ADPRHL1: variants seen among roughly 807,000 people sequenced by gnomAD.
ADPRHL1 encodes the protein ADP-ribosylhydrolase like 1.
A neutral mutation model predicts 44.1 loss-of-function variants in ADPRHL1; 43 were observed. That is an observed-to-expected ratio of 0.98 (90% CI 0.76 to 1.26). The LOEUF is 1.26. Ranked by LOEUF, ADPRHL1 falls within the 50% of genes most tolerant of loss-of-function variation. ADPRHL1 has a pLI of 0.00. For synonymous variants in ADPRHL1, 878 were observed against 1,017.4 expected, an observed-to-expected ratio of 0.86 and a Z score of 2.61; for missense variants, 2,022 against 2,496.9, an observed-to-expected ratio of 0.81 and a Z score of 4.05.
chr13:113,409,272 A>G lies in ADPRHL1; in HGVS notation c.1062-1052T>C. 1.0e-6 allele frequency: 1 copy of G among 983,944 alleles called. No individual in the cohort carries two copies. Among genetic ancestry groups the G allele is most frequent in the Non-Finnish European group, 1.2e-6 (1 of 828,624 alleles). 61.0% of individuals were successfully genotyped at this position (983,944 alleles called of 1,614,324 possible). ...AGGAGCAAAGCTGGAAGGTCTCCCC[A>G]TCTGTGGCAGGGGGTGGAGCCGTCT... On this transcript the variant is annotated intron_variant, in intron 7 of 7. Transcript: ENST00000612156. The surrounding 1 kb of genome is among the most constrained non-coding windows in gnomAD (Gnocchi z 4.2).
In ADPRHL1 at chr13:113,404,773, G is replaced by A. The variant is rs1454449679; in HGVS notation, c.4509C>T (p.His1503=). 4.7e-6 allele frequency: 6 copies of A among 1,266,612 alleles called. No individual in the cohort carries two copies. Among genetic ancestry groups the A allele is most frequent in the East Asian group, 3.1e-5 (1 of 31,904 alleles). 78.5% of individuals were successfully genotyped at this position (1,266,612 alleles called of 1,614,324 possible). Residue 1503 remains histidine (H), a synonymous_variant, in exon 8 of 8, where the codon CAC becomes CAT. Transcript: ENST00000612156. ...QEWDRGQVQG[H]AQEQAQWQTQ... ...TCTGCCACTGGGCCTGTTCTTGAGC[G>A]TGTCCCTGAACCTGTCCCCGGTCCC...
intron 2 of ADPRHL1, among the ~76,000 whole-genome samples, chr13:113,443,933 A>T (rs1469581116): frequency 6.8e-6 from 1 of 147,388 alleles, no homozygotes; most frequent in East Asian, 1.9e-4. Context: ...GCAGAGCAAG[A>T]CTCCATCTCA....
intron 7 of ADPRHL1, 95 bp downstream of exon 7, chr13:113,422,731 C>T (rs761048201): frequency 3.9e-6 from 6 of 1,529,236 alleles, no homozygotes; most frequent in Non-Finnish European, 5.3e-6. Flanking sequence ...AGTGGAGCCT[C>T]ACAGAGACAC....
chr13:113,403,891 C>G lies in ADPRHL1; in HGVS notation c.5391G>C (p.Gln1797His), dbSNP rs2139589484. The G allele has an allele frequency of 8.1e-7, 1 of 1,240,210 alleles. No homozygotes were observed. Among genetic ancestry groups the G allele is most frequent in the Admixed American group, 4.1e-5 (1 of 24,490 alleles). The allele number at this position is 1,240,210 out of a possible 1,614,324, so 76.8% of individuals were successfully genotyped here. A position where few individuals can be genotyped will look rare whatever the true frequency, so the allele number is the denominator to read the frequency against. ...CCCGACCCTGTTCCCAAGCCCGTTC[C>G]TGAGCCCCTTTCTGGGTCTGCCTCT... Reference protein sequence around the residue: ...ETQRQTQKGAQERAWEQGREQ... With the variant: ...ETQRQTQKGAHERAWEQGREQ... Residue 1797 changes from glutamine (Q) to histidine (H), a missense_variant, in exon 8 of 8, where the codon CAG becomes CAC. By Grantham distance (24) the Gln-to-His change is conservative. Around this residue, in one of 8 missense-constraint regions of ADPRHL1, gnomAD observed 205 missense variants for 250.1 expected, o/e 0.82. Coordinates refer to ENST00000612156, the MANE Select transcript of ADPRHL1 (RefSeq NM_001394807.1).
At chr13:113,445,777 T>C (rs2139649966) in intron 1 of ADPRHL1, among the ~76,000 whole-genome samples, 1 of 152,078 alleles carries the variant, frequency 6.6e-6, no homozygotes, top group East Asian at 1.9e-4. Context: ...TTGGTGAGAT[T>C]AGGAAGGGCA....
At chr13:113,421,497 C>T (rs1017443444) in intron 7 of ADPRHL1, among the ~76,000 whole-genome samples, 1 of 152,150 alleles carries the variant, frequency 6.6e-6, no homozygotes, top group Non-Finnish European at 1.5e-5. Context: ...ACCCCTGGGA[C>T]ACGCCTGCTC....
rs566101778 is a variant in ADPRHL1, at chr13:113,409,837, C to T, written c.1062-1617G>A. 6.9e-5 allele frequency: 57 copies of T among 823,534 alleles called. No homozygotes were observed. In the East Asian group the frequency reaches 7.6e-4, roughly 11 times the overall value. 51.0% of individuals were successfully genotyped at this position (823,534 alleles called of 1,614,324 possible). A position where few individuals can be genotyped will look rare whatever the true frequency, so the allele number is the denominator to read the frequency against. ...CCAGGAGGCAGAGCTTGCAGTGAGC[C>T]GAGATCGCACCACTGCACTCCAGCC... On this transcript the variant is annotated intron_variant, in intron 7 of 7. Transcript: ENST00000612156. This position sits in a 1 kb window ranked among gnomAD's most constrained non-coding sequence, Gnocchi z 4.2.
rs1284761673 is a variant in ADPRHL1, at chr13:113,407,313, G to C, written c.1969C>G (p.Pro657Ala). The C allele has an allele frequency of 4.1e-6, 5 of 1,232,000 alleles. No homozygotes were observed. In the South Asian group the frequency reaches 2.1e-4, roughly 51 times the overall value. The allele number at this position is 1,232,000 out of a possible 1,614,324, so 76.3% of individuals were successfully genotyped here. A position where few individuals can be genotyped will look rare whatever the true frequency, so the allele number is the denominator to read the frequency against. ...CTGGGCCCCGTCTCCCTGGCACTAG[G>C]GGGCACGCTGGCTTCTCCTCTGGGT... Reference protein sequence around the residue: ...RPPRGEASVPPSARETGPSGN... With the variant: ...RPPRGEASVPASARETGPSGN... The change falls in exon 8 of 8, where the codon CCT becomes GCT. Residue 657 changes from proline (P) to alanine (A), a missense_variant. Transcript: ENST00000612156.
Position 113,441,307 on chromosome 13 carries a change from G to A in ADPRHL1, c.379+3118C>T, listed in dbSNP as rs113625121. ...ATCTTGTTTGTTTTCTACCTGTACT[G>A]TCTAGTATTTGTCCCTCCTTCCCCC... On this transcript the variant is annotated intron_variant, in intron 2 of 7. Coordinates refer to ENST00000612156, the MANE Select transcript of ADPRHL1 (RefSeq NM_001394807.1). This position sits in a 1 kb window ranked among gnomAD's most constrained non-coding sequence, Gnocchi z 6.0. Among the ~76,000 whole-genome samples the A allele has an allele frequency of 6.6e-6, 1 of 152,162 alleles. No homozygotes were observed. Among genetic ancestry groups the A allele is most frequent in the Non-Finnish European group, 1.5e-5 (1 of 68,036 alleles).
At position 113,404,675 on chromosome 13, in the gene ADPRHL1, G is replaced by T. The variant is rs2043793385; in HGVS notation, c.4607C>A (p.Ala1536Asp). 7.7e-7 allele frequency: 1 copy of T among 1,300,720 alleles called. No individual in the cohort carries two copies. The highest frequency in any genetic ancestry group is 9.7e-7 in the Non-Finnish European group (1 of 1,031,626). 80.6% of individuals were successfully genotyped at this position (1,300,720 alleles called of 1,614,324 possible). A position where few individuals can be genotyped will look rare whatever the true frequency, so the allele number is the denominator to read the frequency against. ...GGCCCAATTCTGAAACTGTTTCTGG[G>T]CCTGTCCCTGACTGTGTCCCTGGGT... ...GGTQGHSQGQ[A>D]QKQFQNWAQG... The change falls in exon 8 of 8, where the codon GCC (alanine) becomes GAC (aspartate). Residue 1536 changes from alanine (A) to aspartate (D), a missense_variant. By Grantham distance (126) the Ala-to-Asp change is moderately radical. This residue lies in a region of ADPRHL1 where 32 missense variants were observed against 72.6 expected (regional missense o/e 0.44). Coordinates refer to ENST00000612156, the MANE Select transcript of ADPRHL1 (RefSeq NM_001394807.1).
intron 7 of ADPRHL1, among the ~76,000 whole-genome samples, chr13:113,421,102 C>G (rs2043916034): frequency 7.0e-6 from 1 of 142,988 alleles, no homozygotes; most frequent in Non-Finnish European, 1.5e-5. Context: ...TCCCTACCCC[C>G]AGGACATGCC....
Position 113,400,201 on chromosome 13 carries a change from A to G in ADPRHL1, c.*3177T>C, listed in dbSNP as rs545251353. 1.2e-4 allele frequency: 17 copies of G among 137,214 alleles called. No homozygotes were observed. Among genetic ancestry groups the G allele is most frequent in the Admixed American group, 3.9e-4 (5 of 12,890 alleles). The allele number at this position is 137,214 out of a possible 1,614,324, so 8.5% of individuals were successfully genotyped here. ...CGCTCTGTCACCCAGGCTGGAGTGC[A>G]GTGGCGCAATCTCGGCTCACTGCAA... On this transcript the variant is annotated 3_prime_UTR_variant, in exon 8 of 8. Transcript: ENST00000612156.
chr13:113,408,397 G>A (rs2043825177), intron 7 of ADPRHL1, among the ~76,000 whole-genome samples, 177 bp from the exon 8 acceptor site: 1 of 152,140 alleles, frequency 6.6e-6, no homozygotes, highest in Non-Finnish European at 1.5e-5. Context: ...TGTTAATTCG[G>A]GGTTGGCAGG....
At chr13:113,411,598 G>C (rs932615376) in intron 7 of ADPRHL1, among the ~76,000 whole-genome samples, 1 of 152,230 alleles carries the variant, frequency 6.6e-6, no homozygotes, top group Non-Finnish European at 1.5e-5. Flanking sequence ...TCACCCCGCA[G>C]CGTGATCATC....
chr13:113,432,419 C>A (rs1350651690), intron 3 of ADPRHL1, among the ~76,000 whole-genome samples: 3 of 152,248 alleles, frequency 2.0e-5, no homozygotes, highest in African/African-American at 4.8e-5. Context: ...CTGCACCTGG[C>A]AAATGCCCAA....
chr13:113,432,589 G>A (rs1236105281), intron 3 of ADPRHL1, among the ~76,000 whole-genome samples: 1 of 152,150 alleles, frequency 6.6e-6, no homozygotes, highest in South Asian at 2.1e-4. Context: ...AAAGTTGCCT[G>A]TGAGTCCACT....
At chr13:113,424,088 A>T in intron 6 of ADPRHL1, 129 bp downstream of exon 6, 1 of 1,296,630 alleles carries the variant, frequency 7.7e-7, no homozygotes, top group Non-Finnish European at 1.0e-6. Flanking sequence ...AGAAAGGAAG[A>T]GATGGACGCA....
Position 113,408,070 on chromosome 13 carries a change from CG to C in ADPRHL1, c.1211del (p.Pro404ArgfsTer51), listed in dbSNP as rs2043822561. The C allele has an allele frequency of 2.4e-6, 3 of 1,231,916 alleles. No individual in the cohort carries two copies. Among genetic ancestry groups the C allele is most frequent in the Non-Finnish European group, 3.0e-6 (3 of 987,982 alleles). The allele number at this position is 1,231,916 out of a possible 1,614,324, so 76.3% of individuals were successfully genotyped here. On this transcript the variant is annotated frameshift_variant, in exon 8 of 8. Coordinates refer to ENST00000612156, the MANE Select transcript of ADPRHL1 (RefSeq NM_001394807.1). LOFTEE classifies it low-confidence loss of function (END_TRUNC). ...LYVTGRADRPPGTEAGGSRPS... is the reference protein window; with the variant it reads ...LYVTGRADRPXGTEAGGSRPS... ...GCCTGCTCCCCCCGGCCTCTGTCCC[CG>C]GGGGCCGGTCTGCGCGGCCCGTGAC...
chr13:113,434,005 G>T, intron 2 of ADPRHL1, 138 bp from the exon 3 acceptor site: 3 of 1,298,164 alleles, frequency 2.3e-6, no homozygotes, highest in Non-Finnish European at 3.0e-6. Flanking sequence ...AAATGAGCGA[G>T]CCATGGGCAG....
Sources: allele counts gnomAD v4.1 joint callset (sites outside exome capture counted in the v4.1 genomes callset), GRCh38; gene constraint gnomAD v4.1.1; regional missense constraint gnomAD v4.1.1; non-coding constraint Gnocchi (gnomAD v3.1); transcripts MANE v1.5; gene names NCBI Gene and HGNC (gene_info 2026-07-23, HGNC 2026-07-21).